The following KCNH1 variants were observed in gnomAD, a reference collection of about 807,000 sequenced individuals.
KCNH1 encodes voltage-gated delayed rectifier potassium channel KCNH1.
KCNH1 carries 27 observed loss-of-function variants against 69.2 expected under a neutral mutation model. That is an observed-to-expected ratio of 0.39 (90% CI 0.29 to 0.54). The LOEUF (loss-of-function observed/expected upper bound fraction) is 0.54, where lower values mean the gene tolerates loss of function less well. KCNH1 is among the 20% of genes least tolerant of loss of function. KCNH1 has a pLI of 0.68. For synonymous variants in KCNH1, 456 were observed against 487.7 expected (o/e 0.93, Z 0.86); for missense variants, 798 against 1,261.6 (o/e 0.63, Z 5.57).
chr1:210,903,477 G>C (rs142636895), intron 7 of KCNH1, among the ~76,000 whole-genome samples: 69 of 152,264 alleles, frequency 4.5e-4, no homozygotes, highest in African/African-American at 1.2e-3. Context: ...TCTAAGCATG[G>C]ATGGTGAATA....
chr1:210,914,059 C>T (rs1393193003), intron 7 of KCNH1, among the ~76,000 whole-genome samples: 2 of 152,140 alleles, frequency 1.3e-5, no homozygotes, highest in African/African-American at 4.8e-5. Context: ...GCAGAGAAAC[C>T]TGGGTCTCTG....
chr1:210,853,713 C>G (rs2102469966), intron 7 of KCNH1, among the ~76,000 whole-genome samples: 1 of 152,138 alleles, frequency 6.6e-6, no homozygotes, highest in Non-Finnish European at 1.5e-5. Context: ...TTGCCAGGAC[C>G]CTGGTTTGCA....
Position 210,804,075 on chromosome 1 carries a change from A to G in KCNH1, c.1554T>C (p.Ser518=). 3 of 1,614,194 alleles carry G rather than the reference A, an allele frequency of 1.9e-6. No homozygotes were observed. Among genetic ancestry groups the G allele is most frequent in the Non-Finnish European group, 2.5e-6 (3 of 1,180,004 alleles). ...NTNRYHEMLN[S]VRDFLKLYQV... The stretch of plus-strand genomic sequence containing the variant: ...GGTAGAGCTTCAGGAAGTCCCGAAC[A>G]CTGTTGAGCATCTCATGGTATCTGT... The change falls in exon 8 of 11, where the codon AGT becomes AGC. Residue 518 remains serine (S), a synonymous_variant. Transcript: ENST00000271751.
At chr1:210,860,576 T>A in intron 7 of KCNH1, 1 of 862,894 alleles carries the variant, frequency 1.2e-6, no homozygotes, top group Non-Finnish European at 2.0e-6. Flanking sequence ...TCTTCACTAT[T>A]TTCACAGATC....
intron 9 of KCNH1, among the ~76,000 whole-genome samples, chr1:210,789,029 A>T (rs1165942878): frequency 6.6e-6 from 1 of 152,130 alleles, no homozygotes; most frequent in Non-Finnish European, 1.5e-5. Context: ...GACTTAGTTT[A>T]ATTGCTTCAG....
intron 7 of KCNH1, among the ~76,000 whole-genome samples, chr1:210,845,164 T>C (rs1485309469): frequency 2.6e-5 from 4 of 152,186 alleles, no homozygotes; most frequent in Non-Finnish European, 5.9e-5. Context: ...GAGGAGCTGG[T>C]ACCATTCCTT....
In KCNH1 at chr1:211,038,702, T is replaced by G. The variant is rs557498140; in HGVS notation, c.559-19446A>C. 2.0e-5 allele frequency among the ~76,000 whole-genome samples: 3 copies of G among 152,318 alleles called. No individual in the cohort carries two copies. In the South Asian group the frequency reaches 6.2e-4, roughly 32 times the overall value. ...TGTTATGTTTTAGCAAAGGGACTGC[T>G]GGTATATTGCCCCTGCCCTAGTGAT... is the stretch of plus-strand genomic sequence containing the variant. On this transcript the variant is annotated intron_variant, in intron 5 of 10. Coordinates refer to ENST00000271751, the MANE Select transcript of KCNH1 (RefSeq NM_172362.3).
At chr1:210,970,857 A>C (rs1254313996) in intron 6 of KCNH1, among the ~76,000 whole-genome samples, 1 of 152,214 alleles carries the variant, frequency 6.6e-6, no homozygotes, top group Non-Finnish European at 1.5e-5. Context: ...GGCAACCTAC[A>C]GAATGGGAGA....
At chr1:210,869,732 A>T (rs1163986413) in intron 7 of KCNH1, among the ~76,000 whole-genome samples, 1 of 152,124 alleles carries the variant, frequency 6.6e-6, no homozygotes, top group African/African-American at 2.4e-5. Context: ...TAGTCCTATA[A>T]CTAAGCTGTG....
At chr1:210,901,787 T>C (rs1161126515) in intron 7 of KCNH1, among the ~76,000 whole-genome samples, 1 of 152,204 alleles carries the variant, frequency 6.6e-6, no homozygotes, top group African/African-American at 2.4e-5. Context: ...AAGAGAAGAA[T>C]AGTTTCACAC....
intron 10 of KCNH1, among the ~76,000 whole-genome samples, chr1:210,735,656 T>G (rs1682860299): frequency 6.6e-6 from 1 of 152,166 alleles, no homozygotes; most frequent in Admixed American, 6.5e-5. Context: ...AGTTTCTATA[T>G]GTTGATCACA....
At chr1:210,958,516 T>C (rs1391102883) in intron 6 of KCNH1, among the ~76,000 whole-genome samples, 2 of 152,226 alleles carry the variant, frequency 1.3e-5, no homozygotes, top group Non-Finnish European at 2.9e-5. Context: ...TCCAACCTGG[T>C]TCCATTCTCC....
At chr1:210,772,111 T>G (rs1683763347) in intron 10 of KCNH1, among the ~76,000 whole-genome samples, 1 of 152,236 alleles carries the variant, frequency 6.6e-6, no homozygotes, top group African/African-American at 2.4e-5. Context: ...AAGGTGTCAC[T>G]TCTGGCTCCA....
At chr1:210,859,363 C>T (rs1574300942) in intron 7 of KCNH1, 2 of 1,528,272 alleles carry the variant, frequency 1.3e-6, no homozygotes, top group Middle Eastern at 1.7e-4. Flanking sequence ...ACCCTGATCC[C>T]ACACAGGATT....
intron 10 of KCNH1, among the ~76,000 whole-genome samples, chr1:210,729,936 A>C (rs1158401621): frequency 1.3e-5 from 2 of 151,936 alleles, no homozygotes; most frequent in African/African-American, 4.8e-5. Flanking sequence ...TTTCTGCCCA[A>C]CCCACACTCT....
At chr1:210,974,801 A>T (rs1275834540) in intron 6 of KCNH1, among the ~76,000 whole-genome samples, 1 of 151,920 alleles carries the variant, frequency 6.6e-6, no homozygotes. Flanking sequence ...TGACCTCGTG[A>T]TCCACCCACC....
chr1:210,766,795 C>T (rs1683644577), intron 10 of KCNH1, among the ~76,000 whole-genome samples: 1 of 152,168 alleles, frequency 6.6e-6, no homozygotes, highest in Non-Finnish European at 1.5e-5. Context: ...ATACATTATA[C>T]CAGATATGGT....
chr1:211,097,543 C>T (rs1691179551), intron 3 of KCNH1, among the ~76,000 whole-genome samples: 1 of 152,152 alleles, frequency 6.6e-6, no homozygotes, highest in South Asian at 2.1e-4. Context: ...ATAAGCAGCT[C>T]CTATCACTGA....
intron 7 of KCNH1, among the ~76,000 whole-genome samples, chr1:210,843,312 G>A (rs1228096781): frequency 6.6e-6 from 1 of 152,110 alleles, no homozygotes; most frequent in Non-Finnish European, 1.5e-5. Context: ...TGCTCTATAT[G>A]CTGAGCAATC....
Sources: gnomAD v4.1 joint callset for allele counts (sites outside exome capture counted in the v4.1 genomes callset) on GRCh38, gnomAD v4.1.1 for gene constraint, MANE v1.5 for transcripts, NCBI Gene and HGNC (gene_info 2026-07-23, HGNC 2026-07-21) for gene names.